The following ATP9B variants were observed in gnomAD, a reference collection of about 807,000 sequenced individuals.
ATP9B encodes ATPase phospholipid transporting 9B.
In ATP9B, 110 loss-of-function variants were observed where a neutral mutation model predicts 146.1. That is an observed-to-expected ratio of 0.75 (90% confidence interval 0.65 to 0.88). The LOEUF is 0.88. Ranked by LOEUF, ATP9B falls within the 40% of genes least tolerant of loss-of-function variation. The pLI is 0.00. For missense variants in ATP9B, 1,499 were observed against 1,496.4 expected (o/e 1.00, Z -0.03); for synonymous variants, 604 against 569.7 (o/e 1.06, Z -0.86).
chr18:79,104,260 A>AT (rs940766429), intron 2 of ATP9B, among the ~76,000 whole-genome samples: 12 of 152,072 alleles, frequency 7.9e-5, no homozygotes, highest in African/African-American at 2.4e-4. Flanking sequence ...CCGTTAGGTG[A>AT]TTTTTTGTGT....
intron 13 of ATP9B, among the ~76,000 whole-genome samples, chr18:79,296,869 A>G (rs955658946): frequency 2.6e-5 from 4 of 152,194 alleles, no homozygotes; most frequent in African/African-American, 9.6e-5. Context: ...CTAAAGACCC[A>G]GAGAGAAGAC....
At position 79,239,306 on chromosome 18, in the gene ATP9B, A is replaced by G. The variant is rs1372819738; in HGVS notation, c.1108-14075A>G. On this transcript the variant is annotated intron_variant, in intron 11 of 29. Coordinates refer to ENST00000426216, the MANE Select transcript of ATP9B (RefSeq NM_198531.5). This position sits in a 1 kb window ranked among gnomAD's most constrained non-coding sequence, Gnocchi z 5.1. ...TTCCACCGCTCCACAATTCATGACA[A>G]GTGCTGCATCTTGAAACCAAAACAG... Among the ~76,000 whole-genome samples, 2 of 152,222 alleles carry G rather than the reference A, an allele frequency of 1.3e-5. No individual in the cohort carries two copies. Among genetic ancestry groups the G allele is most frequent in the Non-Finnish European group, 2.9e-5 (2 of 68,048 alleles).
At chr18:79,080,555 G>C (rs913193739) in intron 1 of ATP9B, among the ~76,000 whole-genome samples, 1 of 151,998 alleles carries the variant, frequency 6.6e-6, no homozygotes, top group Admixed American at 6.6e-5. Flanking sequence ...ATACAATCAT[G>C]TCATCCACAA....
chr18:79,120,003 C>T (rs1183370615), intron 4 of ATP9B, among the ~76,000 whole-genome samples: 1 of 152,134 alleles, frequency 6.6e-6, no homozygotes, highest in African/African-American at 2.4e-5. Flanking sequence ...AAAGAAATCT[C>T]TTTAAAGGAA....
intron 14 of ATP9B, 90 bp downstream of exon 14, chr18:79,303,806 T>C: frequency 1.2e-6 from 1 of 811,298 alleles, no homozygotes; most frequent in Non-Finnish European, 2.0e-6. Context: ...ATCTGTAAAT[T>C]AGCACGCTTC....
chr18:79,202,858 G>C (rs754484234), intron 9 of ATP9B, among the ~76,000 whole-genome samples: 8 of 152,140 alleles, frequency 5.3e-5, no homozygotes, highest in Non-Finnish European at 8.8e-5. Context: ...CAGGAAACCA[G>C]CTAAAATTTC....
chr18:79,190,594 A>C (rs1011513003), intron 8 of ATP9B, among the ~76,000 whole-genome samples: 5 of 151,744 alleles, frequency 3.3e-5, no homozygotes, highest in Non-Finnish European at 2.9e-5. Context: ...CCCAGGCTGG[A>C]GTGCAGTGGT....
At chr18:79,077,232 C>G (rs558534355) in intron 1 of ATP9B, among the ~76,000 whole-genome samples, 6 of 152,176 alleles carry the variant, frequency 3.9e-5, no homozygotes, top group African/African-American at 1.4e-4. Context: ...GATTTGGGAC[C>G]TTATTTAAAT....
At chr18:79,171,708 G>A (rs1047001033) in intron 7 of ATP9B, among the ~76,000 whole-genome samples, 2 of 152,142 alleles carry the variant, frequency 1.3e-5, no homozygotes, top group East Asian at 3.9e-4. Flanking sequence ...GTGCAGAACT[G>A]TTGCACCACC....
chr18:79,178,439 G>T (rs2095208666), intron 8 of ATP9B, among the ~76,000 whole-genome samples: 1 of 152,104 alleles, frequency 6.6e-6, no homozygotes. Flanking sequence ...GTCCTCTTTG[G>T]TGATGTGTCC....
Position 79,128,098 on chromosome 18 carries a change from C to T in ATP9B, c.667+1723C>T, listed in dbSNP as rs183362031. Among the ~76,000 whole-genome samples the T allele has an allele frequency of 1.8e-4, 21 of 116,978 alleles. No individual in the cohort carries two copies. In the East Asian group the frequency reaches 3.5e-3, roughly 19 times the overall value. The allele number at this position is 116,978 out of a possible 152,430, so 76.7% of individuals were successfully genotyped here. A position where few individuals can be genotyped will look rare whatever the true frequency, so the allele number is the denominator to read the frequency against. On this transcript the variant is annotated intron_variant, in intron 5 of 29. Coordinates refer to ENST00000426216, the MANE Select transcript of ATP9B (RefSeq NM_198531.5). ...TTTTTGAGACGGAGTCTTGTTCTGT[C>T]GCCCAGGCTGGAGTGCAGTGGCGCA... is the stretch of plus-strand genomic sequence containing the variant.
At chr18:79,131,316 A>G (rs374341774) in intron 5 of ATP9B, among the ~76,000 whole-genome samples, 1 of 152,250 alleles carries the variant, frequency 6.6e-6, no homozygotes, top group Non-Finnish European at 1.5e-5. Flanking sequence ...AACTCTTACA[A>G]TTTCAACATT....
At chr18:79,273,099 G>A (rs1476668131) in intron 12 of ATP9B, among the ~76,000 whole-genome samples, 4 of 152,334 alleles carry the variant, frequency 2.6e-5, no homozygotes, top group Middle Eastern at 3.4e-3. Context: ...AACTTTCCAC[G>A]CTGAGGAAGA....
At chr18:79,105,619 T>C (rs1296806441) in intron 2 of ATP9B, among the ~76,000 whole-genome samples, 1 of 152,220 alleles carries the variant, frequency 6.6e-6, no homozygotes, top group African/African-American at 2.4e-5. Context: ...AATACACCTT[T>C]CTGTAAGCGG....
chr18:79,295,855 A>G (rs1364215094), intron 13 of ATP9B, among the ~76,000 whole-genome samples: 1 of 152,214 alleles, frequency 6.6e-6, no homozygotes, highest in Non-Finnish European at 1.5e-5. Flanking sequence ...AGAAGGCTCC[A>G]CTATGATGAG....
intron 19 of ATP9B, among the ~76,000 whole-genome samples, chr18:79,340,744 G>C (rs557031214): frequency 6.6e-6 from 1 of 152,164 alleles, no homozygotes; most frequent in Non-Finnish European, 1.5e-5. Context: ...ATGTGCATGG[G>C]TATGCAATTT....
intron 5 of ATP9B, among the ~76,000 whole-genome samples, chr18:79,126,599 C>G (rs1343275319): frequency 6.6e-6 from 1 of 152,108 alleles, no homozygotes; most frequent in East Asian, 1.9e-4. Flanking sequence ...CACATATATA[C>G]AAATGCACAC....
chr18:79,118,186 T>G (rs2094120936), intron 4 of ATP9B, among the ~76,000 whole-genome samples: 1 of 152,140 alleles, frequency 6.6e-6, no homozygotes, highest in Non-Finnish European at 1.5e-5. Context: ...ATAAGCATTG[T>G]TATAATGAAC....
At chr18:79,332,745 G>A (rs2096798529) in intron 17 of ATP9B, 1 of 152,238 alleles carries the variant, frequency 6.6e-6, no homozygotes, top group African/African-American at 2.4e-5. Context: ...GGAACGACAG[G>A]AGGTATAATG....
Sources: allele counts gnomAD v4.1 joint callset (sites outside exome capture counted in the v4.1 genomes callset), GRCh38; gene constraint gnomAD v4.1.1; non-coding constraint Gnocchi (gnomAD v3.1); transcripts MANE v1.5; gene names NCBI Gene and HGNC (gene_info 2026-07-23, HGNC 2026-07-21).